Variants in OCA2 observed in about 807,000 individuals in gnomAD.
OCA2 encodes OCA2 melanosomal transmembrane protein, also known as P protein.
In OCA2, 77 loss-of-function variants were observed where a neutral mutation model predicts 100.2. That is an observed-to-expected ratio of 0.77 (90% confidence interval 0.64 to 0.93). The LOEUF is 0.93. OCA2 is among the 40% of genes least tolerant of loss of function. The pLI is 0.00. For missense variants in OCA2, 1,062 were observed against 1,089.1 expected (o/e 0.98, Z 0.35); for synonymous variants, 432 against 439.2 (o/e 0.98, Z 0.21).
chr15:27,753,977 C>T (rs2030168498), downstream of OCA2, among the ~76,000 whole-genome samples: 1 of 151,952 alleles, frequency 6.6e-6, no homozygotes, highest in African/African-American at 2.4e-5. Context: ...GGAAACAGTG[C>T]TTTTCAGTGA....
chr15:27,941,410 C>T (rs190903020), intron 18 of OCA2, among the ~76,000 whole-genome samples: 13 of 152,246 alleles, frequency 8.5e-5, no homozygotes, highest in East Asian at 5.8e-4. Flanking sequence ...TTAAAAATCT[C>T]GCAGTCTTAC....
intron 9 of OCA2, among the ~76,000 whole-genome samples, chr15:28,009,046 T>C (rs545962380): frequency 1.3e-5 from 2 of 152,320 alleles, no homozygotes; most frequent in South Asian, 4.1e-4. Flanking sequence ...CTAGGAATAA[T>C]GCAATGTTGG....
At chr15:27,926,369 G>C in intron 18 of OCA2, 115 bp from the exon 19 acceptor site, 1 of 1,097,156 alleles carries the variant, frequency 9.1e-7, no homozygotes, top group Non-Finnish European at 1.4e-6. Context: ...ACTACAAACC[G>C]CATATATGTA....
chr15:27,780,705 G>T (rs1181926407), intron 23 of OCA2, among the ~76,000 whole-genome samples: 1 of 152,204 alleles, frequency 6.6e-6, no homozygotes, highest in Non-Finnish European at 1.5e-5. Flanking sequence ...AGTGTTTTCA[G>T]AATGAGTTGG....
intron 19 of OCA2, among the ~76,000 whole-genome samples, chr15:27,907,908 C>T (rs2038237433): frequency 6.6e-6 from 1 of 152,104 alleles, no homozygotes; most frequent in African/African-American, 2.4e-5. Flanking sequence ...AAGATGGTCT[C>T]ACAGGGGAAT....
chr15:27,757,457 T>G (rs2030475394), intron 23 of OCA2, among the ~76,000 whole-genome samples: 1 of 152,172 alleles, frequency 6.6e-6, no homozygotes, highest in Admixed American at 6.5e-5. Context: ...TTGCATATAG[T>G]AGGGAACTTG....
At chr15:27,969,201 T>C (rs932308864) in intron 14 of OCA2, among the ~76,000 whole-genome samples, 1 of 151,484 alleles carries the variant, frequency 6.6e-6, no homozygotes, top group Non-Finnish European at 1.5e-5. Flanking sequence ...GTTGGGGCAA[T>C]TGGAGAAAAA....
intron 23 of OCA2, among the ~76,000 whole-genome samples, chr15:27,798,116 A>C (rs536693001): frequency 7.2e-5 from 11 of 152,322 alleles, no homozygotes; most frequent in African/African-American, 2.6e-4. Flanking sequence ...TTTTGATTTA[A>C]ATTATTTATT....
At chr15:27,819,428 T>G (rs1403550270) in intron 23 of OCA2, among the ~76,000 whole-genome samples, 1 of 152,146 alleles carries the variant, frequency 6.6e-6, no homozygotes, top group African/African-American at 2.4e-5. Flanking sequence ...GCCTCATCCA[T>G]CTCCAAGGGA....
intron 2 of OCA2, among the ~76,000 whole-genome samples, chr15:28,052,970 T>A (rs1042284464): frequency 6.6e-6 from 1 of 152,156 alleles, no homozygotes; most frequent in Admixed American, 6.5e-5. Context: ...GCGATGGCAA[T>A]GACTGCGCTG....
chr15:27,889,823 T>A (rs1214037982), intron 19 of OCA2, among the ~76,000 whole-genome samples: 2 of 152,166 alleles, frequency 1.3e-5, no homozygotes, highest in Admixed American at 1.3e-4. Context: ...AGCATCAAGG[T>A]GTGAAGAAAA....
At chr15:27,848,595 G>T (rs1446215362) in intron 22 of OCA2, among the ~76,000 whole-genome samples, 1 of 152,204 alleles carries the variant, frequency 6.6e-6, no homozygotes, top group Non-Finnish European at 1.5e-5. Context: ...GACAATGCAT[G>T]GATCCAGAGG....
chr15:27,953,578 A>C (rs2040109715), intron 17 of OCA2, among the ~76,000 whole-genome samples: 1 of 152,206 alleles, frequency 6.6e-6, no homozygotes, highest in Admixed American at 6.5e-5. Flanking sequence ...AGGTCGCAGC[A>C]ACCACAGAAA....
intron 23 of OCA2, among the ~76,000 whole-genome samples, chr15:27,790,603 G>A (rs2033034990): frequency 6.6e-6 from 1 of 152,144 alleles, no homozygotes; most frequent in Non-Finnish European, 1.5e-5. Context: ...TTCTTGCCAG[G>A]GGCTGAAAGT....
intron 19 of OCA2, among the ~76,000 whole-genome samples, chr15:27,882,369 G>A (rs1246033607): frequency 6.6e-6 from 1 of 152,088 alleles, no homozygotes; most frequent in Non-Finnish European, 1.5e-5. Flanking sequence ...TTTTATTTAA[G>A]GTGTTGTAGT....
chr15:27,755,494 G>A (rs1213249903), intron 23 of OCA2, 22 bp from the exon 24 acceptor site: 1 of 1,582,368 alleles, frequency 6.3e-7, no homozygotes, highest in Admixed American at 1.7e-5. Flanking sequence ...AGAGAAATGA[G>A]TTATGGCATC....
chr15:27,965,195 A>G (rs1485694380), intron 15 of OCA2, among the ~76,000 whole-genome samples: 2 of 152,210 alleles, frequency 1.3e-5, no homozygotes, highest in Non-Finnish European at 2.9e-5. Context: ...ACAAGCTCCA[A>G]GAGACAGGAC....
At chr15:27,933,805 A>G (rs1203504052) in intron 18 of OCA2, among the ~76,000 whole-genome samples, 1 of 152,232 alleles carries the variant, frequency 6.6e-6, no homozygotes, top group Non-Finnish European at 1.5e-5. Context: ...AATTAAGACA[A>G]GAGCTGGCTG....
the OCA2 span, among the ~76,000 whole-genome samples, chr15:27,727,597 T>A: frequency 1.3e-5 from 2 of 152,150 alleles, no homozygotes; most frequent in Non-Finnish European, 2.9e-5. Flanking sequence ...TATCCTTACA[T>A]CTTCCCAAAA....
Sources: allele counts gnomAD v4.1 joint callset (sites outside exome capture counted in the v4.1 genomes callset), GRCh38; gene constraint gnomAD v4.1.1; transcripts MANE v1.5; gene names NCBI Gene and HGNC (gene_info 2026-07-23, HGNC 2026-07-21).